Variants in RELL1 observed in about 807,000 individuals in gnomAD.
RELL1 encodes the protein RELT-like protein 1.
In RELL1, 10 loss-of-function variants were observed where a neutral mutation model predicts 23.0. The observed-to-expected ratio is 0.43, with a 90% CI of 0.27 to 0.74. The LOEUF (loss-of-function observed/expected upper bound fraction) is 0.74, where lower values mean the gene tolerates loss of function less well. RELL1 is among the 30% of genes least tolerant of loss of function. RELL1 has a pLI of 0.19. For missense variants in RELL1, 315 were observed against 364.4 expected (o/e 0.86, Z 1.10); for synonymous variants, 146 against 146.8 (o/e 0.99, Z 0.04).
rs1560323643 is a variant in RELL1, at chr4:37,604,816, CACACAG to C, written c.*4-13605_*4-13600del. ...ACACACAGACACACACACAGACACA[CACACAG>C]ACACACACATACACACAGACACACA... is the stretch of plus-strand genomic sequence containing the variant. On this transcript the variant is annotated intron_variant, in intron 6 of 6. Transcript: ENST00000314117. Among the ~76,000 whole-genome samples the C allele has an allele frequency of 1.3e-3, 164 of 124,068 alleles. 2 individuals carry two copies. Among genetic ancestry groups the C allele is most frequent in the African/African-American group, 4.4e-3 (137 of 30,918 alleles). 81.4% of individuals were successfully genotyped at this position (124,068 alleles called of 152,430 possible).
In RELL1 at chr4:37,610,967, G is replaced by A. The variant is rs745701278; in HGVS notation, c.*2379C>T. ...AGCGTATGTGTTGAAAATACTGAAC[G>A]CTTAATTTTGGCAAATTTGGAAGCC... On this transcript the variant is annotated 3_prime_UTR_variant, in exon 7 of 7. Transcript: ENST00000454158. This position sits in a 1 kb window ranked among gnomAD's most constrained non-coding sequence, Gnocchi z 4.1. Among the ~76,000 whole-genome samples, 2 of 152,148 alleles carry A rather than the reference G, an allele frequency of 1.3e-5. No homozygotes were observed. Among genetic ancestry groups the A allele is most frequent in the African/African-American group, 2.4e-5 (1 of 41,446 alleles).
At chr4:37,643,340 T>C (rs1370668815) in intron 3 of RELL1, among the ~76,000 whole-genome samples, 2 of 152,212 alleles carry the variant, frequency 1.3e-5, no homozygotes, top group South Asian at 2.1e-4. Context: ...TAAATTAAAA[T>C]TGACTTCCAA....
At chr4:37,596,476 G>A (rs1718849138) in intron 6 of RELL1, among the ~76,000 whole-genome samples, 1 of 151,438 alleles carries the variant, frequency 6.6e-6, no homozygotes, top group Non-Finnish European at 1.5e-5. Context: ...CCAGTTATCA[G>A]TAAAAAGTAC....
At chr4:37,644,845 A>T (rs1418975963) in intron 3 of RELL1, among the ~76,000 whole-genome samples, 1 of 152,160 alleles carries the variant, frequency 6.6e-6, no homozygotes, top group African/African-American at 2.4e-5. Flanking sequence ...GAAAGGAATA[A>T]GTTTTCCATC....
intron 4 of RELL1, among the ~76,000 whole-genome samples, chr4:37,638,083 T>C (rs989556755): frequency 6.6e-6 from 1 of 152,214 alleles, no homozygotes; most frequent in African/African-American, 2.4e-5. Flanking sequence ...AAGGCTATGT[T>C]CTTGCCCTTA....
At chr4:37,604,808 C>G (rs1577557824) in intron 6 of RELL1, among the ~76,000 whole-genome samples, 1 of 44,726 alleles carries the variant, frequency 2.2e-5, no homozygotes, top group African/African-American at 6.2e-5. Context: ...GACACACACA[C>G]AGACACACAC....
chr4:37,672,761 A>T (rs542342645), intron 1 of RELL1, among the ~76,000 whole-genome samples: 20 of 152,308 alleles, frequency 1.3e-4, no homozygotes, highest in Non-Finnish European at 2.8e-4. Flanking sequence ...TCATCACATC[A>T]TAAGAAATTA....
At chr4:37,590,559 G>C (rs1436417499), downstream of RELL1, 1 of 1,614,178 alleles carries the variant, frequency 6.2e-7, no homozygotes, top group South Asian at 1.1e-5. Flanking sequence ...CTCCTTCTGA[G>C]GCAGAAAGTT....
At chr4:37,590,460 C>T, downstream of RELL1, 1 of 1,610,880 alleles carries the variant, frequency 6.2e-7, no homozygotes, top group Non-Finnish European at 8.5e-7. Context: ...CAACTCAACC[C>T]TTCCTGGAAG....
At chr4:37,638,417 C>T (rs777819349) in intron 4 of RELL1, 30 bp downstream of exon 4, 9 of 1,557,752 alleles carry the variant, frequency 5.8e-6, no homozygotes, top group Middle Eastern at 1.7e-4. Context: ...GAAAAGATGT[C>T]GCACTAAGAA....
At chr4:37,684,826 GC>G (rs1722344464) in intron 1 of RELL1, among the ~76,000 whole-genome samples, 1 of 152,178 alleles carries the variant, frequency 6.6e-6, no homozygotes, top group Non-Finnish European at 1.5e-5. Context: ...GGTGGCACAT[GC>G]CTGTAATCCC....
In RELL1 at chr4:37,611,964, A is replaced by G. The variant is rs974985194; in HGVS notation, c.*1382T>C. Among the ~76,000 whole-genome samples the G allele has an allele frequency of 2.0e-5, 3 of 151,362 alleles. No individual in the cohort carries two copies. Among genetic ancestry groups the G allele is most frequent in the African/African-American group, 7.3e-5 (3 of 41,140 alleles). ...GCCGAGGCGGGTGGATCACGAGGTC[A>G]GGAGATCGAGACCATCTTCGCTAAT... On this transcript the variant is annotated 3_prime_UTR_variant, in exon 7 of 7. Transcript: ENST00000454158.
intron 1 of RELL1, among the ~76,000 whole-genome samples, chr4:37,661,438 C>A (rs1721353215): frequency 6.6e-6 from 1 of 152,122 alleles, no homozygotes; most frequent in Non-Finnish European, 1.5e-5. Flanking sequence ...CGCTGCCACA[C>A]CTGGCTAATT....
intron 1 of RELL1, among the ~76,000 whole-genome samples, chr4:37,671,540 G>A (rs1444125804): frequency 6.6e-6 from 1 of 152,146 alleles, no homozygotes; most frequent in Non-Finnish European, 1.5e-5. Flanking sequence ...ACTCCCACCA[G>A]CACCATGACA....
At chr4:37,671,620 T>A (rs1721835401) in intron 1 of RELL1, among the ~76,000 whole-genome samples, 1 of 152,202 alleles carries the variant, frequency 6.6e-6, no homozygotes, top group East Asian at 1.9e-4. Context: ...GCCTCAGTTC[T>A]GAGAATTGCT....
intron 2 of RELL1, among the ~76,000 whole-genome samples, chr4:37,648,514 C>T (rs1013939259): frequency 5.3e-5 from 8 of 152,228 alleles, no homozygotes; most frequent in Non-Finnish European, 1.0e-4. Flanking sequence ...CACCTACTAC[C>T]TCTCAAGGCC....
chr4:37,644,027 G>A (rs1211692978), intron 3 of RELL1, among the ~76,000 whole-genome samples: 1 of 152,180 alleles, frequency 6.6e-6, no homozygotes, highest in East Asian at 1.9e-4. Flanking sequence ...GGGACCCGGG[G>A]TTGAGAATAA....
chr4:37,606,130 AGAAG>A (rs1403366467), downstream of RELL1, among the ~76,000 whole-genome samples: 7 of 146,600 alleles, frequency 4.8e-5, no homozygotes, highest in Non-Finnish European at 9.0e-5. This position sits in a 1 kb window ranked among gnomAD's most constrained non-coding sequence, Gnocchi z 4.1. Context: ...AAGGAGGAGG[AGAAG>A]GAAGGAAGGG....
intron 4 of RELL1, among the ~76,000 whole-genome samples, chr4:37,636,667 T>G (rs1189375063): frequency 6.6e-6 from 1 of 151,428 alleles, no homozygotes; most frequent in African/African-American, 2.4e-5. Flanking sequence ...GTGAAGGCTC[T>G]GGCCCAGCAG....
Sources: gnomAD v4.1 joint callset for allele counts (sites outside exome capture counted in the v4.1 genomes callset) on GRCh38, gnomAD v4.1.1 for gene constraint, Gnocchi (gnomAD v3.1) non-coding constraint, MANE v1.5 for transcripts, NCBI Gene and HGNC (gene_info 2026-07-23, HGNC 2026-07-21) for gene names.